The following TMEFF2 variants were observed in gnomAD, a reference collection of about 807,000 sequenced individuals.
TMEFF2 encodes transmembrane protein with EGF like and two follistatin like domains 2.
Under a neutral mutation model 53.8 loss-of-function variants are expected in TMEFF2, and 28 were observed. That is an observed-to-expected ratio of 0.52 (90% CI 0.39 to 0.71). The LOEUF (loss-of-function observed/expected upper bound fraction) is 0.71, where lower values mean the gene tolerates loss of function less well. TMEFF2 is among the 30% of genes least tolerant of loss of function. The pLI is 0.00. For missense variants in TMEFF2, 353 were observed against 455.2 expected, an observed-to-expected ratio of 0.78 and a Z score of 2.04; for synonymous variants, 162 against 166.3, an observed-to-expected ratio of 0.97 and a Z score of 0.20.
At position 192,034,525 on chromosome 2, in the gene TMEFF2, T is replaced by C. The variant is rs145770016; in HGVS notation, c.536+23154A>G. Among the ~76,000 whole-genome samples, 1,183 of 152,326 alleles carry C rather than the reference T, an allele frequency of 7.8e-3. 44 individuals are homozygous for C. The highest frequency in any genetic ancestry group is 0.059 in the Admixed American group (896 of 15,298). On this transcript the variant is annotated intron_variant, in intron 5 of 9. Coordinates refer to ENST00000272771, the MANE Select transcript of TMEFF2 (RefSeq NM_016192.4). ...AATCTCTACATTGGTAGGTCCTATA[T>C]GGAAAATCAATTTCTGCTTTATTCT... is the stretch of plus-strand genomic sequence containing the variant.
At chr2:192,016,482 G>T (rs577983904) in intron 5 of TMEFF2, among the ~76,000 whole-genome samples, 1 of 152,292 alleles carries the variant, frequency 6.6e-6, no homozygotes, top group African/African-American at 2.4e-5. Context: ...CGAAACATGA[G>T]CTGTGAGACA....
intron 4 of TMEFF2, among the ~76,000 whole-genome samples, chr2:192,174,000 C>G (rs1054726734): frequency 6.6e-6 from 1 of 151,822 alleles, no homozygotes; most frequent in East Asian, 1.9e-4. Flanking sequence ...TTTTAATCAT[C>G]TTTCCTATAG....
intron 4 of TMEFF2, among the ~76,000 whole-genome samples, chr2:192,108,837 TATAG>T (rs1374510310): frequency 1.3e-5 from 2 of 151,958 alleles, no homozygotes; most frequent in Non-Finnish European, 2.9e-5. Flanking sequence ...AAATGTAATA[TATAG>T]ATACTGATGG....
chr2:192,173,781 T>C (rs1314150062), intron 4 of TMEFF2, among the ~76,000 whole-genome samples: 1 of 151,814 alleles, frequency 6.6e-6, no homozygotes, highest in African/African-American at 2.4e-5. Flanking sequence ...TACTAGAAAC[T>C]GTATTGGATT....
chr2:191,978,112 G>C (rs771064567), intron 7 of TMEFF2, among the ~76,000 whole-genome samples: 2 of 151,984 alleles, frequency 1.3e-5, no homozygotes, highest in East Asian at 3.9e-4. Flanking sequence ...CTTTTGATAC[G>C]ATATTTTTAA....
At chr2:192,132,855 T>C (rs1209592584) in intron 4 of TMEFF2, among the ~76,000 whole-genome samples, 3 of 152,140 alleles carry the variant, frequency 2.0e-5, no homozygotes, top group African/African-American at 7.2e-5. Context: ...CCAAGGCTCT[T>C]TGACCGACTC....
At chr2:192,120,149 C>T (rs570998791) in intron 4 of TMEFF2, among the ~76,000 whole-genome samples, 1 of 152,282 alleles carries the variant, frequency 6.6e-6, no homozygotes, top group African/African-American at 2.4e-5. Flanking sequence ...ATAAGACAAA[C>T]CACAGCCCTG....
chr2:192,121,341 G>A (rs1023984780), intron 4 of TMEFF2, among the ~76,000 whole-genome samples: 1 of 152,068 alleles, frequency 6.6e-6, no homozygotes, highest in African/African-American at 2.4e-5. Context: ...TCTTAGGTCA[G>A]GAAAGGAAAT....
In TMEFF2 at chr2:191,949,827, AT is replaced by A. The variant is rs1691815288; in HGVS notation, c.*483del. On this transcript the variant is annotated 3_prime_UTR_variant, in exon 10 of 10. Coordinates refer to ENST00000272771, the MANE Select transcript of TMEFF2 (RefSeq NM_016192.4). ...ATCCTCACTCGATATAAAGTAAATT[AT>A]TTTTTCTCTTTTCCAATAACCATCA... is the stretch of plus-strand genomic sequence containing the variant. 1.0e-6 allele frequency: 1 copy of A among 985,554 alleles called. No homozygotes were observed. The highest frequency in any genetic ancestry group is 4.7e-5 in the South Asian group (1 of 21,286). The allele number at this position is 985,554 out of a possible 1,614,324, so 61.1% of individuals were successfully genotyped here.
intron 5 of TMEFF2, among the ~76,000 whole-genome samples, chr2:192,002,886 G>A (rs530315198): frequency 2.2e-4 from 34 of 152,246 alleles, no homozygotes; most frequent in African/African-American, 8.2e-4. Flanking sequence ...AGGAAATGTT[G>A]TGACTGGATT....
intron 4 of TMEFF2, among the ~76,000 whole-genome samples, chr2:192,130,260 G>A (rs927442112): frequency 6.6e-6 from 1 of 152,148 alleles, no homozygotes; most frequent in South Asian, 2.1e-4. Context: ...ATGCTATGCT[G>A]TTCCTTTTTC....
chr2:192,020,020 G>T (rs1260777081), intron 5 of TMEFF2, among the ~76,000 whole-genome samples: 1 of 152,036 alleles, frequency 6.6e-6, no homozygotes, highest in African/African-American at 2.4e-5. Flanking sequence ...AAACCATTCT[G>T]TTGGGAGCAC....
intron 4 of TMEFF2, among the ~76,000 whole-genome samples, chr2:192,093,817 T>C (rs1407578542): frequency 8.0e-6 from 1 of 124,414 alleles, no homozygotes; most frequent in African/African-American, 2.5e-5. Flanking sequence ...AAGGAATATA[T>C]TTCTTAAAAA....
intron 5 of TMEFF2, among the ~76,000 whole-genome samples, chr2:192,035,831 C>T (rs899778529): frequency 5.3e-5 from 8 of 152,172 alleles, no homozygotes; most frequent in Non-Finnish European, 1.2e-4. Flanking sequence ...CTCTCACCAC[C>T]TCCCTCCCCT....
intron 4 of TMEFF2, among the ~76,000 whole-genome samples, chr2:192,097,445 AT>A (rs1688939410): frequency 6.6e-6 from 1 of 152,252 alleles, no homozygotes; most frequent in Admixed American, 6.5e-5. Context: ...CTCAAAAGCA[AT>A]CATCTGTCAA....
intron 4 of TMEFF2, among the ~76,000 whole-genome samples, chr2:192,129,902 A>G (rs2105975621): frequency 6.6e-6 from 1 of 152,350 alleles, no homozygotes; most frequent in South Asian, 2.1e-4. Context: ...CTAAAAACAA[A>G]TTAACAAAGA....
intron 7 of TMEFF2, among the ~76,000 whole-genome samples, chr2:191,997,824 G>C (rs1017063449): frequency 6.6e-6 from 1 of 151,392 alleles, no homozygotes; most frequent in East Asian, 1.9e-4. Flanking sequence ...TCTAAATAAA[G>C]ACAACCTGCA....
intron 5 of TMEFF2, among the ~76,000 whole-genome samples, chr2:192,029,709 TA>T (rs1204977386): frequency 6.6e-6 from 1 of 152,228 alleles, no homozygotes; most frequent in East Asian, 1.9e-4. Context: ...TATTGATATT[TA>T]TCATATTAGA....
chr2:192,012,630 A>C (rs1686656299), intron 5 of TMEFF2, among the ~76,000 whole-genome samples: 1 of 152,202 alleles, frequency 6.6e-6, no homozygotes, highest in African/African-American at 2.4e-5. Context: ...TTGTTCTCTA[A>C]TTTAGGATTT....
Sources: gnomAD v4.1 joint callset for allele counts (sites outside exome capture counted in the v4.1 genomes callset) on GRCh38, gnomAD v4.1.1 for gene constraint, MANE v1.5 for transcripts, NCBI Gene and HGNC (gene_info 2026-07-23, HGNC 2026-07-21) for gene names.